The following FAM184B variants were observed in gnomAD, a reference collection of about 807,000 sequenced individuals.
The protein encoded by FAM184B is protein FAM184B.
Under a neutral mutation model 135.9 loss-of-function variants are expected in FAM184B, and 111 were observed. The ratio of observed to expected loss-of-function variants is 0.82; its 90% CI spans 0.70 to 0.96. The LOEUF (loss-of-function observed/expected upper bound fraction) is 0.96. Among genes scored for constraint, FAM184B ranks in the 40% least tolerant of loss-of-function variants. The probability of loss-of-function intolerance (pLI) is 0.00; values close to 1 mark genes in which losing one functional copy is unlikely to be tolerated. For synonymous variants in FAM184B, 552 were observed against 524.8 expected, an observed-to-expected ratio of 1.05 and a Z score of -0.71; for missense variants, 1,375 against 1,323.9, an observed-to-expected ratio of 1.04 and a Z score of -0.60.
chr4:17,779,873 G>A (rs1209781945), intron 1 of FAM184B, among the ~76,000 whole-genome samples: 1 of 152,214 alleles, frequency 6.6e-6, no homozygotes, highest in Non-Finnish European at 1.5e-5. Flanking sequence ...TGAAGATAGA[G>A]AAGATGCCTT....
chr4:17,641,106 C>A (rs557191811), intron 13 of FAM184B, among the ~76,000 whole-genome samples: 236 of 152,042 alleles, frequency 1.6e-3, no homozygotes, highest in South Asian at 0.014. Context: ...GCCAATTTTT[C>A]TATTTTTAGT....
chr4:17,696,356 G>C (rs150188902), intron 5 of FAM184B, among the ~76,000 whole-genome samples: 67 of 152,228 alleles, frequency 4.4e-4, no homozygotes, highest in African/African-American at 1.5e-3. Flanking sequence ...GTCATGTATC[G>C]GACAACAGCA....
chr4:17,747,374 C>T (rs1479830396), intron 1 of FAM184B, among the ~76,000 whole-genome samples: 1 of 152,050 alleles, frequency 6.6e-6, no homozygotes, highest in African/African-American at 2.4e-5. Flanking sequence ...ACGGTGTGGA[C>T]CTTTGGTTTA....
intron 10 of FAM184B, among the ~76,000 whole-genome samples, chr4:17,656,918 T>A (rs73800327): frequency 0.039 from 5,987 of 152,250 alleles, 381 homozygotes; most frequent in African/African-American, 0.14. Context: ...CTACTGTATC[T>A]TGATTATTTT....
chr4:17,745,750 G>A (rs1466850071), intron 1 of FAM184B, among the ~76,000 whole-genome samples: 1 of 152,176 alleles, frequency 6.6e-6, no homozygotes, highest in Non-Finnish European at 1.5e-5. Context: ...ACACACAGGT[G>A]AATCCTCCTT....
At chr4:17,741,587 G>T (rs757840005) in intron 1 of FAM184B, among the ~76,000 whole-genome samples, 1 of 152,138 alleles carries the variant, frequency 6.6e-6, no homozygotes, top group African/African-American at 2.4e-5. Context: ...CCAGCTACTC[G>T]GGAGGCTGAG....
At chr4:17,633,631 T>TC in intron 17 of FAM184B, 58 bp downstream of exon 17, 2 of 1,363,636 alleles carry the variant, frequency 1.5e-6, no homozygotes, top group Non-Finnish European at 1.9e-6. Context: ...GAATCCTACT[T>TC]CCCCTCTTAT....
intron 7 of FAM184B, among the ~76,000 whole-genome samples, chr4:17,687,875 G>C (rs1404075709): frequency 1.3e-5 from 2 of 152,152 alleles, no homozygotes; most frequent in African/African-American, 2.4e-5. Flanking sequence ...ACATTTCCAT[G>C]GCTGAAGCCA....
intron 5 of FAM184B, among the ~76,000 whole-genome samples, chr4:17,700,206 T>C (rs1165907404): frequency 6.6e-6 from 1 of 152,160 alleles, no homozygotes; most frequent in Non-Finnish European, 1.5e-5. Flanking sequence ...TTACATTAAA[T>C]GTGAATGGTC....
intron 1 of FAM184B, among the ~76,000 whole-genome samples, chr4:17,748,300 C>A (rs1218897286): frequency 1.3e-5 from 2 of 151,702 alleles, no homozygotes; most frequent in African/African-American, 4.8e-5. Context: ...ATCTAACTGA[C>A]TTTTGGCAAC....
At chr4:17,660,195 G>A in intron 8 of FAM184B, 108 bp from the exon 9 acceptor site, 1 of 1,279,208 alleles carries the variant, frequency 7.8e-7, no homozygotes, top group Non-Finnish European at 1.1e-6. Flanking sequence ...AGCTCCGATA[G>A]CAGTTAGTGG....
chr4:17,642,155 A>G lies in FAM184B; in HGVS notation c.2420T>C (p.Leu807Pro). 1 of 1,533,402 alleles carries G rather than the reference A, an allele frequency of 6.5e-7. No homozygotes were observed. Among genetic ancestry groups the G allele is most frequent in the East Asian group, 2.5e-5 (1 of 40,692 alleles). 95.0% of individuals were successfully genotyped at this position (1,533,402 alleles called of 1,614,324 possible). The change falls in exon 13 of 18, where the codon CTC becomes CCC. Residue 807 changes from leucine to proline, a missense_variant. By Grantham distance (98) the Leu-to-Pro change is moderately conservative. Coordinates refer to ENST00000265018, the MANE Select transcript of FAM184B (RefSeq NM_015688.2). ...AGQGSGEGCG[L>P]WEENAQLQDA... ...CTGGAGCTGCGCGTTCTCCTCCCAG[A>G]GCCCGCATCCCTCGCCGGAACCCTG... is the stretch of plus-strand genomic sequence containing the variant.
intron 1 of FAM184B, among the ~76,000 whole-genome samples, chr4:17,770,436 AGTT>A (rs10597477): frequency 0.05 from 4,722 of 94,928 alleles, 186 homozygotes; most frequent in African/African-American, 0.13. Flanking sequence ...CCTCAGAACT[AGTT>A]GTTGTTGTTG....
intron 1 of FAM184B, among the ~76,000 whole-genome samples, chr4:17,742,137 AATATAT>A (rs372209332): frequency 0.025 from 669 of 26,452 alleles, 2 homozygotes; most frequent in Non-Finnish European, 0.035. Context: ...TATACATATG[AATATAT>A]ATATATATAT....
At chr4:17,766,169 TA>T (rs1718682025) in intron 1 of FAM184B, among the ~76,000 whole-genome samples, 1 of 152,196 alleles carries the variant, frequency 6.6e-6, no homozygotes. Context: ...TTTATTCCCT[TA>T]TCTGGCCACA....
At position 17,666,942 on chromosome 4, in the gene FAM184B, T is replaced by TTTTTTG. The variant is rs1197188954; in HGVS notation, c.1597-2284_1597-2283insCAAAAA. ...CATACTTGCCCTACACCCACTTTTTTTTTTGTTTTTTTGTTTTTTTGTTTT... is the reference window on the plus strand; with the variant it reads ...CATACTTGCCCTACACCCACTTTTTTTTTTTGTTTTGTTTTTTTGTTTTTTTGTTTT... On this transcript the variant is annotated intron_variant, in intron 7 of 17. Coordinates refer to ENST00000265018, the MANE Select transcript of FAM184B (RefSeq NM_015688.2). Among the ~76,000 whole-genome samples the TTTTTTG allele has an allele frequency of 2.7e-5, 4 of 147,114 alleles. No homozygotes were observed. The East Asian group carries it at 7.8e-4, about 29-fold the overall frequency.
At chr4:17,665,903 C>CG (rs898529458) in intron 7 of FAM184B, among the ~76,000 whole-genome samples, 5 of 152,028 alleles carry the variant, frequency 3.3e-5, no homozygotes, top group Non-Finnish European at 7.4e-5. Context: ...CCCCCGCCCC[C>CG]CAGTTGCTGC....
chr4:17,647,529 G>T (rs1715502312), intron 12 of FAM184B, 108 bp downstream of exon 12: 2 of 1,343,636 alleles, frequency 1.5e-6, no homozygotes, highest in African/African-American at 2.9e-5. Context: ...GATTCCAAGT[G>T]TGAGCCACTG....
At chr4:17,672,456 G>A (rs1180940314) in intron 7 of FAM184B, among the ~76,000 whole-genome samples, 2 of 152,104 alleles carry the variant, frequency 1.3e-5, no homozygotes, top group African/African-American at 2.4e-5. Context: ...TTCTCAGAGG[G>A]AATACTTTCA....
Sources: gnomAD v4.1 joint callset for allele counts (sites outside exome capture counted in the v4.1 genomes callset) on GRCh38, gnomAD v4.1.1 for gene constraint, MANE v1.5 for transcripts, NCBI Gene and HGNC (gene_info 2026-07-23, HGNC 2026-07-21) for gene names.